The following ISL2 variants were observed in gnomAD, a reference collection of about 807,000 sequenced individuals.
The protein encoded by ISL2 is insulin gene enhancer protein ISL-2.
ISL2 carries 17 observed loss-of-function variants against 34.6 expected under a neutral mutation model. The observed-to-expected ratio is 0.49, with a 90% confidence interval of 0.34 to 0.74. ISL2 has a LOEUF of 0.74. Among genes scored for constraint, ISL2 ranks in the 30% least tolerant of loss-of-function variants. ISL2 has a pLI of 0.01. For missense variants in ISL2, 469 were observed against 515.2 expected (o/e 0.91, Z 0.87); for synonymous variants, 232 against 225.5 (o/e 1.03, Z -0.26).
chr15:76,340,872 C>T (rs1403178831), intron 4 of ISL2, among the ~76,000 whole-genome samples: 1 of 152,260 alleles, frequency 6.6e-6, no homozygotes, highest in African/African-American at 2.4e-5. Flanking sequence ...CCGTCGGCAG[C>T]TGCAGAAAGG....
chr15:76,341,590 C>G (rs761857064), intron 5 of ISL2, 129 bp from the exon 6 acceptor site: 9 of 761,196 alleles, frequency 1.2e-5, no homozygotes, highest in Non-Finnish European at 2.0e-5. Context: ...TGGCCTCCTT[C>G]TCCGCAGGGC....
intron 3 of ISL2, 69 bp downstream of exon 3, chr15:76,338,583 T>C (rs1596240004): frequency 7.9e-7 from 1 of 1,263,724 alleles, no homozygotes; most frequent in East Asian, 3.2e-5. Context: ...GGGGTACGCT[T>C]GTGTCCCTAA....
At chr15:76,338,201 T>G (rs1357491753) in intron 2 of ISL2, 51 bp from the exon 3 acceptor site, 4 of 1,510,240 alleles carry the variant, frequency 2.6e-6, no homozygotes, top group Non-Finnish European at 3.5e-6. Flanking sequence ...GCCAGGGAGA[T>G]GAGGGCGGCC....
rs1042580080 is a variant in ISL2 at position 76,340,408 on chromosome 15, G to T, written c.644G>T (p.Arg215Leu). ...CGGACCTGCTACGCCGCCAACCCGC[G>T]GCCCGACGCTCTCATGAAGGAGCAG... ...TLRTCYAANP[R>L]PDALMKEQLV... The change falls in exon 4 of 6, where the codon CGG (arginine) becomes CTG (leucine). Residue 215 changes from arginine (R) to leucine (L), a missense_variant. Physicochemically the swap from Arg to Leu is moderately radical, Grantham distance 102. Around this residue, in one of 3 missense-constraint regions of ISL2, gnomAD observed 297 missense variants for 337.8 expected, o/e 0.88. Coordinates refer to ENST00000290759, the MANE Select transcript of ISL2 (RefSeq NM_145805.3). 1 of 1,613,688 alleles carries T rather than the reference G, an allele frequency of 6.2e-7. No homozygotes were observed. Among genetic ancestry groups the T allele is most frequent in the Non-Finnish European group, 8.5e-7 (1 of 1,179,980 alleles).
At chr15:76,340,800 C>T (rs1201082664) in intron 4 of ISL2, among the ~76,000 whole-genome samples, 1 of 152,248 alleles carries the variant, frequency 6.6e-6, no homozygotes, top group African/African-American at 2.4e-5. Flanking sequence ...GGGCGCTGCG[C>T]GGAGCCCAAG....
intron 3 of ISL2, chr15:76,339,268 C>T (rs2040175070): frequency 2.0e-6 from 2 of 984,914 alleles, no homozygotes; most frequent in African/African-American, 3.5e-5. Context: ...GTGGCCTTGC[C>T]CCGCTCCTCC....
Position 76,341,762 on chromosome 15 carries a change from G to C in ISL2, c.1007G>C (p.Ser336Thr). Residue 336 changes from serine (S) to threonine (T), a missense_variant, in exon 6 of 6, where the codon AGC becomes ACC. Transcript: ENST00000290759. ...GGCTCCCTAGGCAACTCCTCCGGCA[G>C]CGACGTGACCTCCCTGTCCTCGCAG... ...ESGSLGNSSG[S>T]DVTSLSSQLP... The C allele has an allele frequency of 3.1e-6, 5 of 1,614,004 alleles. No individual in the cohort carries two copies. In the South Asian group the frequency reaches 4.4e-5, roughly 14 times the overall value.
In ISL2 at chr15:76,340,286, G is replaced by C. The variant is rs374940510; in HGVS notation, c.522G>C (p.Ser174=). Reference sequence around the variant, plus strand: ...ACCCTGTCCTGGCAGACGCTGGGTCGGGCCGGCAGCCCGCGTTGCGCCCGC... The same window carrying C: ...ACCCTGTCCTGGCAGACGCTGGGTCCGGCCGGCAGCCCGCGTTGCGCCCGC... ...ARGLHLPDAG[S]GRQPALRPHV... is the part of the protein sequence containing the mutation. The change falls in exon 4 of 6, where the codon TCG becomes TCC. Residue 174 remains serine, a synonymous_variant. Transcript: ENST00000290759. 52 of 1,603,596 alleles carry C rather than the reference G, an allele frequency of 3.2e-5. No individual in the cohort carries two copies. The African/African-American group carries it at 6.4e-4, about 20-fold the overall frequency.
Position 76,340,543 on chromosome 15 carries a change from A to G in ISL2, c.779A>G (p.Gln260Arg). The change falls in exon 4 of 6, where the codon CAG becomes CGG. Residue 260 changes from glutamine to arginine, a missense_variant. Coordinates refer to ENST00000290759, the MANE Select transcript of ISL2 (RefSeq NM_145805.3). Reference sequence around the variant, plus strand: ...CTCATGAAGCAGCTGCAGCAGCAGCAGCACAGCGACAAGACGGTGAGCAGC... The same window carrying G: ...CTCATGAAGCAGCTGCAGCAGCAGCGGCACAGCGACAAGACGGTGAGCAGC... Reference protein sequence around the residue: ...SILMKQLQQQQHSDKTSLQGL... With the variant: ...SILMKQLQQQRHSDKTSLQGL... 1 of 1,608,810 alleles carries G rather than the reference A, an allele frequency of 6.2e-7. No homozygotes were observed. The highest frequency in any genetic ancestry group is 1.7e-5 in the Admixed American group (1 of 59,900).
At chr15:76,339,275 C>G in intron 3 of ISL2, 1 of 984,792 alleles carries the variant, frequency 1.0e-6, no homozygotes, top group Non-Finnish European at 1.2e-6. Flanking sequence ...TGCCCCGCTC[C>G]TCCCCTCTCT....
At chr15:76,338,207 C>T in intron 2 of ISL2, 45 bp from the exon 3 acceptor site, 3 of 1,512,666 alleles carry the variant, frequency 2.0e-6, no homozygotes, top group East Asian at 2.7e-5. Context: ...GAGATGAGGG[C>T]GGCCGCAGGC....
intron 2 of ISL2, 92 bp downstream of exon 2, chr15:76,338,059 C>A: frequency 7.6e-7 from 1 of 1,319,842 alleles, no homozygotes; most frequent in Non-Finnish European, 9.9e-7. Flanking sequence ...CCCGGCCCTG[C>A]CCAGGGAGAA....
chr15:76,342,183 C>T lies in ISL2; in HGVS notation c.*348C>T. 1 of 189,164 alleles carries T rather than the reference C, an allele frequency of 5.3e-6. No homozygotes were observed. The allele number at this position is 189,164 out of a possible 1,614,324, so 11.7% of individuals were successfully genotyped here. A position where few individuals can be genotyped will look rare whatever the true frequency, so the allele number is the denominator to read the frequency against. On this transcript the variant is annotated 3_prime_UTR_variant, in exon 6 of 6. Transcript: ENST00000290759. The stretch of plus-strand genomic sequence containing the variant: ...TCGGCCGGCCCGGAGCTCGCCCACG[C>T]GGACCCCCGCCCTGCCCCAGCTCAG...
In ISL2 at chr15:76,337,686, G is replaced by C. The variant is rs895927897; in HGVS notation, c.59-92G>C. ...GCAAGTCTTGAAAGAAAGAGCAAGAGAGCGAGCGGGTTGGGTTGGGGCTGG... is the reference window on the plus strand; with the variant it reads ...GCAAGTCTTGAAAGAAAGAGCAAGACAGCGAGCGGGTTGGGTTGGGGCTGG... On this transcript the variant is annotated intron_variant, in intron 1 of 5. Coordinates refer to ENST00000290759, the MANE Select transcript of ISL2 (RefSeq NM_145805.3). The C allele has an allele frequency of 1.1e-5, 12 of 1,130,506 alleles. No individual in the cohort carries two copies. In the African/African-American group the frequency reaches 1.3e-4, roughly 12 times the overall value. 70.0% of individuals were successfully genotyped at this position (1,130,506 alleles called of 1,614,324 possible). A position where few individuals can be genotyped will look rare whatever the true frequency, so the allele number is the denominator to read the frequency against.
intron 2 of ISL2, 30 bp from the exon 3 acceptor site, chr15:76,338,222 C>A (rs369968662): frequency 1.3e-6 from 2 of 1,524,390 alleles, no homozygotes; most frequent in South Asian, 1.2e-5. Flanking sequence ...GCAGGCCCAG[C>A]GCTGACACCG....
chr15:76,341,487 A>C (rs555394382), intron 5 of ISL2, among the ~76,000 whole-genome samples, 186 bp downstream of exon 5: 1 of 152,286 alleles, frequency 6.6e-6, no homozygotes, highest in Non-Finnish European at 1.5e-5. Flanking sequence ...GCCCTAAACC[A>C]GGTCTCCCTG....
In ISL2 at chr15:76,340,645, C is replaced by T. The variant is rs2040186806; in HGVS notation, c.795+86C>T. The T allele has an allele frequency of 5.9e-6, 8 of 1,357,348 alleles. No individual in the cohort carries two copies. The South Asian group carries it at 6.8e-5, about 11-fold the overall frequency. 84.1% of individuals were successfully genotyped at this position (1,357,348 alleles called of 1,614,324 possible). On this transcript the variant is annotated intron_variant, in intron 4 of 5. Coordinates refer to ENST00000290759, the MANE Select transcript of ISL2 (RefSeq NM_145805.3). ...CTGCGTGCCCTTTTCTGGGCGAGCC[C>T]TGGGAGATCCAGGGAGAACTGGGCG...
At chr15:76,337,460 T>A (rs1424011394) in intron 1 of ISL2, 2 of 373,460 alleles carry the variant, frequency 5.4e-6, no homozygotes, top group Non-Finnish European at 9.6e-6. Flanking sequence ...GCGTCCGCAG[T>A]GCCTGTGTAT....
chr15:76,339,871 T>C (rs1002372018), intron 3 of ISL2: 166 of 1,021,128 alleles, frequency 1.6e-4, no homozygotes, highest in South Asian at 4.8e-4. Context: ...CGTCGGTCCC[T>C]TTCCCTCTCC....
Sources: gnomAD v4.1 joint callset for allele counts (sites outside exome capture counted in the v4.1 genomes callset) on GRCh38, gnomAD v4.1.1 for gene constraint, gnomAD v4.1.1 regional missense constraint, MANE v1.5 for transcripts, NCBI Gene and HGNC (gene_info 2026-07-23, HGNC 2026-07-21) for gene names.